Variants in RAB5A observed in about 807,000 individuals in gnomAD.
RAB5A encodes the protein ras-related protein Rab-5A.
Under a neutral mutation model 25.7 loss-of-function variants are expected in RAB5A, and 8 were observed. That is an observed-to-expected ratio of 0.31 (90% confidence interval 0.18 to 0.56). RAB5A has a LOEUF of 0.56. RAB5A is among the 20% of genes least tolerant of loss of function. The probability of loss-of-function intolerance (pLI) is 0.91; values close to 1 mark genes in which losing one functional copy is unlikely to be tolerated. For missense variants in RAB5A, 192 were observed against 259.7 expected (o/e 0.74, Z 1.79); for synonymous variants, 98 against 89.8 (o/e 1.09, Z -0.52).
rs143602822 is a variant in RAB5A, at chr3:19,968,090, A to G, written c.164-7511A>G. On this transcript the variant is annotated intron_variant, in intron 2 of 5. Transcript: ENST00000273047. Reference sequence around the variant, plus strand: ...ATAACTTTAGTACCTGATTCTAACAATCTCTAACTTGAATTTTTTTTTATC... The same window carrying G: ...ATAACTTTAGTACCTGATTCTAACAGTCTCTAACTTGAATTTTTTTTTATC... 3.2e-4 allele frequency among the ~76,000 whole-genome samples: 49 copies of G among 152,296 alleles called. No homozygotes were observed. The East Asian group carries it at 8.1e-3, about 25-fold the overall frequency.
chr3:19,947,285 C>A lies in RAB5A; in HGVS notation c.-330C>A, dbSNP rs532701590. 32 of 183,234 alleles carry A rather than the reference C, an allele frequency of 1.7e-4. No individual in the cohort carries two copies. The highest frequency in any genetic ancestry group is 9.2e-4 in the Admixed American group (14 of 15,252). The allele number at this position is 183,234 out of a possible 1,614,324, so 11.4% of individuals were successfully genotyped here. A position where few individuals can be genotyped will look rare whatever the true frequency, so the allele number is the denominator to read the frequency against. On this transcript the variant is annotated 5_prime_UTR_variant, in exon 1 of 6. Coordinates refer to ENST00000273047, the MANE Select transcript of RAB5A (RefSeq NM_004162.5). Reference sequence around the variant, plus strand: ...CCAGCGCCGGCGGCGGCGGCGGCGGCGGAGGAGGAGAAAGGAAAGAGGAAG... The same window carrying A: ...CCAGCGCCGGCGGCGGCGGCGGCGGAGGAGGAGGAGAAAGGAAAGAGGAAG...
chr3:19,950,709 A>T, intron 1 of RAB5A, 97 bp from the exon 2 acceptor site: 1 of 519,584 alleles, frequency 1.9e-6, no homozygotes, highest in East Asian at 2.9e-5. Context: ...GGTCTAGTAG[A>T]GTTTAAGATA....
chr3:19,971,298 A>G (rs1398132495), intron 2 of RAB5A, among the ~76,000 whole-genome samples: 2 of 151,670 alleles, frequency 1.3e-5, no homozygotes, highest in Non-Finnish European at 2.9e-5. Context: ...AGAGTTTATT[A>G]TAGTGGGCTA....
chr3:19,953,715 C>T (rs1454449108), intron 2 of RAB5A, among the ~76,000 whole-genome samples: 1 of 151,968 alleles, frequency 6.6e-6, no homozygotes, highest in Non-Finnish European at 1.5e-5. Context: ...GCCCAACTTT[C>T]TGTTAATCTT....
At chr3:19,955,264 A>G (rs1216847714) in intron 2 of RAB5A, among the ~76,000 whole-genome samples, 2 of 152,218 alleles carry the variant, frequency 1.3e-5, no homozygotes, top group Non-Finnish European at 2.9e-5. Context: ...AATGTGTTAT[A>G]AACTCTAAAG....
At chr3:19,949,479 G>A (rs564113586) in intron 1 of RAB5A, among the ~76,000 whole-genome samples, 1 of 152,136 alleles carries the variant, frequency 6.6e-6, no homozygotes, top group East Asian at 1.9e-4. Flanking sequence ...GGGATTTACC[G>A]GTATAAGCCA....
chr3:19,971,404 G>A (rs1352838437), intron 2 of RAB5A, among the ~76,000 whole-genome samples: 3 of 69,990 alleles, frequency 4.3e-5, no homozygotes, highest in Non-Finnish European at 7.3e-5. Context: ...CTCTAATGTT[G>A]GTCTTTTCTC....
At chr3:19,969,791 G>A (rs1031541244) in intron 2 of RAB5A, among the ~76,000 whole-genome samples, 1 of 151,992 alleles carries the variant, frequency 6.6e-6, no homozygotes, top group Admixed American at 6.6e-5. Context: ...TTAGTTATGG[G>A]GTGGCGGTTA....
intron 1 of RAB5A, among the ~76,000 whole-genome samples, chr3:19,948,906 A>G (rs1264309068): frequency 6.6e-6 from 1 of 152,130 alleles, no homozygotes; most frequent in Non-Finnish European, 1.5e-5. Flanking sequence ...GTATTGGTGC[A>G]TTTTCAGTAT....
chr3:19,979,660 T>C (rs1696885985), intron 5 of RAB5A, among the ~76,000 whole-genome samples: 1 of 152,166 alleles, frequency 6.6e-6, no homozygotes, highest in Non-Finnish European at 1.5e-5. Context: ...AAGCCTCCTT[T>C]TTTCTATAAC....
At chr3:19,958,554 T>A (rs1696538832) in intron 2 of RAB5A, among the ~76,000 whole-genome samples, 1 of 152,160 alleles carries the variant, frequency 6.6e-6, no homozygotes, top group Admixed American at 6.5e-5. Context: ...TAGGTAAGGA[T>A]TCTTGTAGGC....
chr3:19,957,509 A>G (rs1696521309), intron 2 of RAB5A, among the ~76,000 whole-genome samples: 1 of 151,780 alleles, frequency 6.6e-6, no homozygotes, highest in African/African-American at 2.4e-5. Flanking sequence ...AAAAAAAAGC[A>G]AACATTAGCT....
At chr3:19,948,870 TTTGA>T (rs1330086446) in intron 1 of RAB5A, among the ~76,000 whole-genome samples, 1 of 152,200 alleles carries the variant, frequency 6.6e-6, no homozygotes, top group African/African-American at 2.4e-5. Context: ...TGGAAAATGT[TTTGA>T]TTGTGTGTAA....
At chr3:19,950,183 T>C (rs1559484601) in intron 1 of RAB5A, among the ~76,000 whole-genome samples, 3 of 152,176 alleles carry the variant, frequency 2.0e-5, no homozygotes, top group Admixed American at 1.3e-4. Flanking sequence ...CTTGAGCAGA[T>C]GAGGAAACAG....
At chr3:19,974,160 TA>T (rs1383951128) in intron 2 of RAB5A, among the ~76,000 whole-genome samples, 11 of 151,620 alleles carry the variant, frequency 7.3e-5, no homozygotes, top group Admixed American at 2.0e-4. Flanking sequence ...TTTATAATGC[TA>T]CTTTTTTTTT....
chr3:19,947,176 T>G lies in RAB5A; in HGVS notation c.-439T>G. 6.3e-6 allele frequency: 1 copy of G among 159,064 alleles called. No individual in the cohort carries two copies. Among genetic ancestry groups the G allele is most frequent in the Non-Finnish European group, 1.4e-5 (1 of 72,818 alleles). The allele number at this position is 159,064 out of a possible 1,614,324, so 9.9% of individuals were successfully genotyped here. A position where few individuals can be genotyped will look rare whatever the true frequency, so the allele number is the denominator to read the frequency against. On this transcript the variant is annotated 5_prime_UTR_variant, in exon 1 of 6. Transcript: ENST00000273047. ...GCTCCGGCGGTGGGACTTGAGTGTT[T>G]GTGTTTTGGTTCGTGAAGGAGCCGG...
chr3:19,958,758 C>G (rs1205307327), intron 2 of RAB5A, among the ~76,000 whole-genome samples: 3 of 152,252 alleles, frequency 2.0e-5, no homozygotes, highest in Non-Finnish European at 4.4e-5. Context: ...TTGCTTCAAC[C>G]TGGGAGGCAG....
intron 2 of RAB5A, among the ~76,000 whole-genome samples, chr3:19,970,988 G>C (rs977129227): frequency 2.0e-5 from 3 of 152,090 alleles, no homozygotes; most frequent in African/African-American, 7.2e-5. Flanking sequence ...CCAGAGGTCA[G>C]GGGTTCAAGA....
intron 2 of RAB5A, among the ~76,000 whole-genome samples, chr3:19,969,066 T>C: frequency 7.8e-6 from 1 of 128,316 alleles, no homozygotes; most frequent in African/African-American, 2.8e-5. Context: ...TTTTTTGAGA[T>C]GGAGTCTCAC....
Sources: allele counts gnomAD v4.1 joint callset (sites outside exome capture counted in the v4.1 genomes callset), GRCh38; gene constraint gnomAD v4.1.1; transcripts MANE v1.5; gene names NCBI Gene and HGNC (gene_info 2026-07-23, HGNC 2026-07-21).